The following TRAK2 variants were observed in gnomAD, a reference collection of about 807,000 sequenced individuals.
TRAK2 encodes trafficking kinesin protein 2.
TRAK2 carries 81 observed loss-of-function variants against 104.6 expected under a neutral mutation model. The observed-to-expected ratio is 0.77, with a 90% CI of 0.65 to 0.93. TRAK2 has a LOEUF of 0.93. Ranked by LOEUF, TRAK2 falls within the 40% of genes least tolerant of loss-of-function variation. The pLI is 0.00. For missense variants in TRAK2, 1,002 were observed against 1,089.0 expected (o/e 0.92, Z 1.12); for synonymous variants, 406 against 394.4 (o/e 1.03, Z -0.35).
intron 1 of TRAK2, among the ~76,000 whole-genome samples, chr2:201,429,222 G>C (rs1951819666): frequency 6.6e-6 from 1 of 152,288 alleles, no homozygotes; most frequent in African/African-American, 2.4e-5. Context: ...GGAGTGGTGA[G>C]AGAGGGCATC....
At chr2:201,382,141 C>T (rs1300627991) in intron 15 of TRAK2, among the ~76,000 whole-genome samples, 1 of 152,096 alleles carries the variant, frequency 6.6e-6, no homozygotes, top group African/African-American at 2.4e-5. Flanking sequence ...ACTTGCCTTG[C>T]CTACTTTTAT....
chr2:201,437,358 T>C (rs1281337165), intron 1 of TRAK2, among the ~76,000 whole-genome samples: 1 of 152,144 alleles, frequency 6.6e-6, no homozygotes, highest in South Asian at 2.1e-4. Context: ...TGGAATCTCA[T>C]CTACTTCAAA....
At chr2:201,419,998 T>G (rs192126802) in intron 2 of TRAK2, among the ~76,000 whole-genome samples, 21 of 152,072 alleles carry the variant, frequency 1.4e-4, no homozygotes, top group Admixed American at 1.2e-3. Context: ...CTGCTCAGAG[T>G]TTTTTGATTT....
chr2:201,389,834 C>G lies in TRAK2; in HGVS notation c.1160G>C (p.Ser387Thr), dbSNP rs1254673449. ...AAAGAGAGAAGATTCCTCATCCAAA[C>G]TCAGCTTTTTACGCATAGTCCCCTC... ...EIEGTMRKKL[S>T]LDEESSLFKQ... The change falls in exon 11 of 16, where the codon AGT becomes ACT. Residue 387 changes from serine to threonine, a missense_variant. Transcript: ENST00000332624. 6.2e-7 allele frequency: 1 copy of G among 1,613,688 alleles called. No individual in the cohort carries two copies. Among genetic ancestry groups the G allele is most frequent in the Non-Finnish European group, 8.5e-7 (1 of 1,179,916 alleles).
In TRAK2 at chr2:201,420,489, C is replaced by G; in HGVS notation, c.19G>C (p.Ala7Pro). ...TCACCTGTTGGTGATGTAAAAATTG[C>G]ATTCTGGGATTGACTCATGCAGGAT... is the stretch of plus-strand genomic sequence containing the variant. MSQSQN[A>P]IFTSPTGEEN... Residue 7 changes from alanine to proline, a missense_variant, in exon 2 of 16, where the codon GCA (alanine) becomes CCA (proline). Transcript: ENST00000332624. 6.2e-7 allele frequency: 1 copy of G among 1,613,958 alleles called. No individual in the cohort carries two copies. The highest frequency in any genetic ancestry group is 8.5e-7 in the Non-Finnish European group (1 of 1,179,910).
chr2:201,385,387 G>A (rs995754120), intron 14 of TRAK2, among the ~76,000 whole-genome samples: 1 of 151,356 alleles, frequency 6.6e-6, no homozygotes, highest in Non-Finnish European at 1.5e-5. Flanking sequence ...ATGTTGGCCA[G>A]GCTGGTCTCA....
intron 2 of TRAK2, among the ~76,000 whole-genome samples, chr2:201,415,061 A>G (rs1342737150): frequency 6.7e-6 from 1 of 149,712 alleles, no homozygotes; most frequent in Non-Finnish European, 1.5e-5. Flanking sequence ...AGGCTTGACA[A>G]CTCCTTCTCT....
chr2:201,410,893 A>G, intron 2 of TRAK2: 1 of 1,589,062 alleles, frequency 6.3e-7, no homozygotes, highest in Non-Finnish European at 8.6e-7. Flanking sequence ...GAAGTTTGGC[A>G]AAGTGGGAGG....
intron 1 of TRAK2, among the ~76,000 whole-genome samples, chr2:201,432,933 C>T (rs1951853759): frequency 6.6e-6 from 1 of 152,170 alleles, no homozygotes; most frequent in East Asian, 1.9e-4. Context: ...AGGAACAGTG[C>T]CAATCACCAA....
intron 1 of TRAK2, among the ~76,000 whole-genome samples, chr2:201,422,723 T>C (rs939296370): frequency 6.6e-6 from 1 of 152,032 alleles, no homozygotes; most frequent in African/African-American, 2.4e-5. Context: ...ATGATAACTT[T>C]CCAGAAACCA....
At chr2:201,410,516 A>G (rs1951636225) in intron 2 of TRAK2, 1 of 960,436 alleles carries the variant, frequency 1.0e-6, no homozygotes, top group Non-Finnish European at 1.6e-6. Context: ...CATGATTGGA[A>G]CTGAAATAAT....
intron 2 of TRAK2, among the ~76,000 whole-genome samples, chr2:201,416,479 G>C (rs1290449921): frequency 2.6e-5 from 4 of 151,864 alleles, no homozygotes; most frequent in African/African-American, 9.7e-5. Flanking sequence ...CCATATCCCA[G>C]GAAATGTTAA....
In TRAK2 at chr2:201,384,350, GAAAT is replaced by G. The variant is rs1951369747; in HGVS notation, c.1964-138_1964-135del. The G allele has an allele frequency of 3.9e-5, 27 of 684,034 alleles. No individual in the cohort carries two copies. The East Asian group carries it at 7.4e-4, about 19-fold the overall frequency. The allele number at this position is 684,034 out of a possible 1,614,324, so 42.4% of individuals were successfully genotyped here. ...ATTAAAAATCCCCAAATCTGGAAATGAAATAAATATACATAAAGATTGTACTAGT... is the reference window on the plus strand; with the variant it reads ...ATTAAAAATCCCCAAATCTGGAAATGAAATATACATAAAGATTGTACTAGT... On this transcript the variant is annotated intron_variant, in intron 14 of 15. Transcript: ENST00000332624.
intron 1 of TRAK2, among the ~76,000 whole-genome samples, chr2:201,434,500 T>C (rs1232934518): frequency 2.0e-5 from 3 of 152,174 alleles, no homozygotes; most frequent in Non-Finnish European, 4.4e-5. Context: ...AATCCCTTGC[T>C]CTGGAGTATA....
intron 7 of TRAK2, 138 bp downstream of exon 7, chr2:201,397,364 A>G: frequency 1.7e-6 from 1 of 573,270 alleles, no homozygotes; most frequent in Non-Finnish European, 3.1e-6. Flanking sequence ...TCAATGTGAT[A>G]TTCTAAGATT....
rs183460168 is a variant in TRAK2 at position 201,425,557 on chromosome 2, C to T, written c.-199-4851G>A. ...GCTCGTATTACAGCTCCTGCCACCA[C>T]GCCTGGCTAATTTTTTTATTTTTAG... is the stretch of plus-strand genomic sequence containing the variant. On this transcript the variant is annotated intron_variant, in intron 1 of 15. Coordinates refer to ENST00000332624, the MANE Select transcript of TRAK2 (RefSeq NM_015049.3). Among the ~76,000 whole-genome samples the T allele has an allele frequency of 3.4e-3, 519 of 152,090 alleles. 1 individual carries two copies. The highest frequency in any genetic ancestry group is 0.011 in the African/African-American group (468 of 41,496).
chr2:201,379,183 A>G lies in TRAK2; in HGVS notation c.*1360T>C, dbSNP rs1426479677. ...AAAGCCACGTCATCTGATGAGAAGC[A>G]GACTTTGCTCAGCAACATTGAGAAA... is the stretch of plus-strand genomic sequence containing the variant. On this transcript the variant is annotated 3_prime_UTR_variant, in exon 16 of 16. Coordinates refer to ENST00000332624, the MANE Select transcript of TRAK2 (RefSeq NM_015049.3). 1 of 152,218 alleles carries G rather than the reference A, an allele frequency of 6.6e-6. No individual in the cohort carries two copies. The highest frequency in any genetic ancestry group is 2.4e-5 in the African/African-American group (1 of 41,458). 9.4% of individuals were successfully genotyped at this position (152,218 alleles called of 1,614,324 possible).
intron 12 of TRAK2, 49 bp from the exon 13 acceptor site, chr2:201,388,050 G>T: frequency 9.6e-6 from 15 of 1,559,414 alleles, no homozygotes; most frequent in Non-Finnish European, 1.2e-5. Flanking sequence ...TCATCAGCAT[G>T]ACCCAGACCT....
At chr2:201,381,307 C>A in intron 15 of TRAK2, 89 bp from the exon 16 acceptor site, 6 of 1,230,222 alleles carry the variant, frequency 4.9e-6, no homozygotes, top group Non-Finnish European at 6.7e-6. Context: ...TAGTAGTTAT[C>A]CTTGGTAAAT....
Sources: gnomAD v4.1 joint callset for allele counts (sites outside exome capture counted in the v4.1 genomes callset) on GRCh38, gnomAD v4.1.1 for gene constraint, MANE v1.5 for transcripts, NCBI Gene and HGNC (gene_info 2026-07-23, HGNC 2026-07-21) for gene names.